IQCM: variants seen among roughly 807,000 people sequenced by gnomAD.
IQCM encodes the protein IQ domain-containing protein M.
In IQCM, 45 loss-of-function variants were observed where a neutral mutation model predicts 57.6. The ratio of observed to expected loss-of-function variants is 0.78; its 90% CI spans 0.62 to 1.00. The LOEUF (loss-of-function observed/expected upper bound fraction) is 1.00, where lower values mean the gene tolerates loss of function less well. IQCM is among the 50% of genes least tolerant of loss of function. The pLI, the probability that IQCM is intolerant of heterozygous loss-of-function variation, is 0.00. For synonymous variants in IQCM, 148 were observed against 158.9 expected (o/e 0.93, Z 0.51); for missense variants, 468 against 511.6 (o/e 0.91, Z 0.82).
intron 2 of IQCM, among the ~76,000 whole-genome samples, chr4:149,791,084 T>C (rs1016779553): frequency 1.3e-5 from 2 of 152,140 alleles, no homozygotes; most frequent in Non-Finnish European, 1.5e-5. Flanking sequence ...AATTAAAAAG[T>C]AAAGCAATAT....
At chr4:149,623,608 T>C (rs904658612) in intron 7 of IQCM, among the ~76,000 whole-genome samples, 5 of 152,234 alleles carry the variant, frequency 3.3e-5, no homozygotes, top group African/African-American at 9.6e-5. Flanking sequence ...TATAAGCTAA[T>C]AGTTTGATGA....
At chr4:149,529,834 C>T (rs1361670933) in intron 12 of IQCM, among the ~76,000 whole-genome samples, 2 of 152,286 alleles carry the variant, frequency 1.3e-5, no homozygotes, top group African/African-American at 2.4e-5. Flanking sequence ...AGTCATGCCA[C>T]TCTTTCATAA....
At chr4:149,516,776 T>C (rs1036584541) in intron 12 of IQCM, among the ~76,000 whole-genome samples, 2 of 152,002 alleles carry the variant, frequency 1.3e-5, no homozygotes, top group Admixed American at 6.5e-5. Context: ...AAGTCTTAGT[T>C]CCAGAGGGAG....
chr4:149,620,872 T>C (rs1484846752), intron 8 of IQCM, among the ~76,000 whole-genome samples: 1 of 152,202 alleles, frequency 6.6e-6, no homozygotes, highest in Non-Finnish European at 1.5e-5. Context: ...GAGCAAACCA[T>C]GTGATGATCG....
intron 12 of IQCM, among the ~76,000 whole-genome samples, chr4:149,479,411 C>T (rs575217649): frequency 6.6e-6 from 1 of 152,180 alleles, no homozygotes; most frequent in Admixed American, 6.5e-5. Flanking sequence ...AATTACAAAT[C>T]TCAATTATTT....
chr4:149,600,812 T>G (rs1391218527), intron 8 of IQCM, among the ~76,000 whole-genome samples: 1 of 152,198 alleles, frequency 6.6e-6, no homozygotes, highest in African/African-American at 2.4e-5. Flanking sequence ...AATATATCAG[T>G]TTGTTGAAAC....
At chr4:149,496,436 G>A (rs768139012) in intron 12 of IQCM, among the ~76,000 whole-genome samples, 32 of 152,264 alleles carry the variant, frequency 2.1e-4, no homozygotes, top group Non-Finnish European at 3.1e-4. Flanking sequence ...TTATGTGGGT[G>A]AGTCCAATAA....
chr4:149,563,882 C>A lies in IQCM; in HGVS notation c.758G>T (p.Gly253Val), dbSNP rs1463953003. The A allele has an allele frequency of 6.6e-6, 8 of 1,220,646 alleles. No individual in the cohort carries two copies. Among genetic ancestry groups the A allele is most frequent in the East Asian group, 3.2e-5 (1 of 31,620 alleles). The allele number at this position is 1,220,646 out of a possible 1,614,324, so 75.6% of individuals were successfully genotyped here. A position where few individuals can be genotyped will look rare whatever the true frequency, so the allele number is the denominator to read the frequency against. The change falls in exon 10 of 14, where the codon GGT (glycine) becomes GTT (valine). Residue 253 changes from glycine to valine, a missense_variant. Physicochemically the swap from Gly to Val is moderately radical, Grantham distance 109. Transcript: ENST00000636793. The part of the protein sequence containing the change: ...PEPKSQPRIK[G>V]TPNKTDKLDS... ...AAGTTTATCAGTTTTATTTGGAGTACCTTTTATCCTAAAAATAAAACAAAT... is the reference window on the plus strand; with the variant it reads ...AAGTTTATCAGTTTTATTTGGAGTAACTTTTATCCTAAAAATAAAACAAAT...
chr4:149,708,174 G>T (rs1337374448), intron 5 of IQCM, among the ~76,000 whole-genome samples: 1 of 151,914 alleles, frequency 6.6e-6, no homozygotes, highest in African/African-American at 2.4e-5. Context: ...TACTACTAAG[G>T]TTCTTCTGAT....
Position 149,468,265 on chromosome 4 carries a change from A to G in IQCM, c.1229-34708T>C, listed in dbSNP as rs148840801. On this transcript the variant is annotated intron_variant, in intron 12 of 13. Transcript: ENST00000636793. ...GACCAACAGTACCTGGAAAATCAGG[A>G]CACGCCCACCCTAATACTGTGCTTT... Among the ~76,000 whole-genome samples, 308 of 152,252 alleles carry G rather than the reference A, an allele frequency of 2.0e-3. 3 individuals are homozygous for G. Among genetic ancestry groups the G allele is most frequent in the African/African-American group, 6.9e-3 (286 of 41,554 alleles).
chr4:149,580,051 A>G (rs1752028770), intron 9 of IQCM, among the ~76,000 whole-genome samples: 1 of 151,822 alleles, frequency 6.6e-6, no homozygotes, highest in Non-Finnish European at 1.5e-5. Context: ...GTTTATTTAA[A>G]TGCAGTATTT....
chr4:149,698,389 C>T (rs571778078), intron 5 of IQCM, among the ~76,000 whole-genome samples: 6 of 152,102 alleles, frequency 3.9e-5, no homozygotes, highest in Admixed American at 1.3e-4. Context: ...ATATATTAGG[C>T]ACCCAATAAA....
chr4:149,479,199 T>G (rs1008931595), intron 12 of IQCM, among the ~76,000 whole-genome samples: 1 of 152,168 alleles, frequency 6.6e-6, no homozygotes, highest in African/African-American at 2.4e-5. Flanking sequence ...ACTGGTTACA[T>G]TGAACCTATT....
chr4:149,697,125 C>A (rs1314948792), intron 5 of IQCM, among the ~76,000 whole-genome samples: 1 of 151,918 alleles, frequency 6.6e-6, no homozygotes, highest in Non-Finnish European at 1.5e-5. Context: ...TAAATCAATT[C>A]TTTGCCATTA....
intron 11 of IQCM, among the ~76,000 whole-genome samples, chr4:149,552,115 C>T (rs1290403282): frequency 6.6e-6 from 1 of 152,170 alleles, no homozygotes; most frequent in Non-Finnish European, 1.5e-5. Flanking sequence ...ACTATTCTAA[C>T]TCAAAGAGTT....
intron 2 of IQCM, among the ~76,000 whole-genome samples, chr4:149,811,699 T>A (rs1167457760): frequency 5.9e-5 from 9 of 152,200 alleles, no homozygotes; most frequent in Non-Finnish European, 1.3e-4. Flanking sequence ...CAGCTCAGGC[T>A]TGCCTTATAC....
intron 12 of IQCM, among the ~76,000 whole-genome samples, chr4:149,479,455 G>A (rs529093649): frequency 1.3e-5 from 2 of 152,040 alleles, no homozygotes; most frequent in Non-Finnish European, 1.5e-5. Context: ...CTGTTCTAGG[G>A]GCTTGGCATG....
intron 10 of IQCM, among the ~76,000 whole-genome samples, chr4:149,557,061 T>C (rs989487005): frequency 6.6e-6 from 1 of 152,198 alleles, no homozygotes; most frequent in African/African-American, 2.4e-5. Flanking sequence ...CTGAAAAATA[T>C]TAAATAGCAG....
chr4:149,463,090 A>C (rs1174396428), intron 12 of IQCM, among the ~76,000 whole-genome samples: 1 of 152,224 alleles, frequency 6.6e-6, no homozygotes, highest in South Asian at 2.1e-4. Context: ...GCCTCTGGTT[A>C]GGAAAAATTT....
Sources: allele counts gnomAD v4.1 joint callset (sites outside exome capture counted in the v4.1 genomes callset), GRCh38; gene constraint gnomAD v4.1.1; transcripts MANE v1.5; gene names NCBI Gene and HGNC (gene_info 2026-07-23, HGNC 2026-07-21).